FBH1: variants seen among roughly 807,000 people sequenced by gnomAD.
The protein encoded by FBH1 is DNA 3'-5' helicase 1.
A neutral mutation model predicts 115.5 loss-of-function variants in FBH1; 43 were observed. The ratio of observed to expected loss-of-function variants is 0.37; its 90% CI spans 0.29 to 0.48. The LOEUF (loss-of-function observed/expected upper bound fraction) is 0.48. FBH1 is among the 20% of genes least tolerant of loss of function. The probability of loss-of-function intolerance (pLI) is 0.99; values close to 1 mark genes in which losing one functional copy is unlikely to be tolerated. For synonymous variants in FBH1, 524 were observed against 507.8 expected, an observed-to-expected ratio of 1.03 and a Z score of -0.43; for missense variants, 1,001 against 1,337.3, an observed-to-expected ratio of 0.75 and a Z score of 3.92.
intron 19 of FBH1, among the ~76,000 whole-genome samples, chr10:5,930,408 C>T (rs1832900600): frequency 6.6e-6 from 1 of 152,230 alleles, no homozygotes; most frequent in Non-Finnish European, 1.5e-5. Context: ...ATTCGTCCTA[C>T]AGAGCGTCCC....
At position 5,925,802 on chromosome 10, in the gene FBH1, C is replaced by T. The variant is rs1781688349; in HGVS notation, c.2722+310C>T. Among the ~76,000 whole-genome samples the T allele has an allele frequency of 2.0e-5, 3 of 152,230 alleles. No homozygotes were observed. Among genetic ancestry groups the T allele is most frequent in the African/African-American group, 7.2e-5 (3 of 41,468 alleles). On this transcript the variant is annotated intron_variant, in intron 18 of 20. Transcript: ENST00000362091. The surrounding 1 kb of genome is among the most constrained non-coding windows in gnomAD (Gnocchi z 4.6). ...TCTTCGCCATCAGACTTTGAGTCTCCAGCCTCATGAAAGCTTTAAAATATA... is the reference window on the plus strand; with the variant it reads ...TCTTCGCCATCAGACTTTGAGTCTCTAGCCTCATGAAAGCTTTAAAATATA...
Position 5,918,491 on chromosome 10 carries a change from T to C in FBH1, c.2100+13T>C, listed in dbSNP as rs1832113479. 1 of 1,567,160 alleles carries C rather than the reference T, an allele frequency of 6.4e-7. No homozygotes were observed. The highest frequency in any genetic ancestry group is 1.2e-5 in the South Asian group (1 of 84,150). ...CTATCTCACGCAGGTAAGTGCGCAC[T>C]CTGCATGGGAGGCATTGCATCTCTC... On this transcript the variant is annotated intron_variant, in intron 13 of 20. Coordinates refer to ENST00000362091, the MANE Select transcript of FBH1 (RefSeq NM_178150.3). This position sits in a 1 kb window ranked among gnomAD's most constrained non-coding sequence, Gnocchi z 4.0.
intron 18 of FBH1, 42 bp from the exon 19 acceptor site, chr10:5,927,393 T>A: frequency 6.8e-7 from 1 of 1,467,970 alleles, no homozygotes; most frequent in Non-Finnish European, 9.4e-7. Context: ...TAAGCTTTTC[T>A]AAGGCTTTTT....
rs1329648358 is a variant in FBH1 at position 5,924,216 on chromosome 10, T to C, written c.2399-95T>C. The C allele has an allele frequency of 1.4e-5, 17 of 1,252,032 alleles. No individual in the cohort carries two copies. Among genetic ancestry groups the C allele is most frequent in the Admixed American group, 1.9e-5 (1 of 51,458 alleles). 77.6% of individuals were successfully genotyped at this position (1,252,032 alleles called of 1,614,324 possible). A position where few individuals can be genotyped will look rare whatever the true frequency, so the allele number is the denominator to read the frequency against. ...CCCGGGTCTCCCCACTTTAAGACCA[T>C]CTGCTCTTGCGCAGCTGCTTAGGAA... On this transcript the variant is annotated intron_variant, in intron 16 of 20. Coordinates refer to ENST00000362091, the MANE Select transcript of FBH1 (RefSeq NM_178150.3). The surrounding 1 kb of genome is among the most constrained non-coding windows in gnomAD (Gnocchi z 6.2).
chr10:5,903,152 C>T lies in FBH1; in HGVS notation c.134C>T (p.Pro45Leu), dbSNP rs776902652. 3.0e-5 allele frequency: 49 copies of T among 1,610,934 alleles called. 1 individual carries two copies. The highest frequency in any genetic ancestry group is 5.5e-5 in the South Asian group (5 of 90,408). The change falls in exon 2 of 21, where the codon CCG (proline) becomes CTG (leucine). Residue 45 changes from proline to leucine, a missense_variant. Physicochemically the swap from Pro to Leu is moderately conservative, Grantham distance 98 (BLOSUM62 -3). Coordinates refer to ENST00000362091, the MANE Select transcript of FBH1 (RefSeq NM_178150.3). ...RDPNHGLYPK[P>L]RTKRGSRGQG... ...CCGAACCATGGTCTCTATCCTAAAC[C>T]GAGAACAAAAAGAGGGAGTAGGGGT...
chr10:5,913,077 G>C lies in FBH1; in HGVS notation c.1212-670G>C, dbSNP rs926043457. ...CACCCCCGGTCTCCCCCACAGTCCA[G>C]GGGAGACTTGGAGAGGCTTTGGAAC... On this transcript the variant is annotated intron_variant, in intron 6 of 20. Coordinates refer to ENST00000362091, the MANE Select transcript of FBH1 (RefSeq NM_178150.3). This position sits in a 1 kb window ranked among gnomAD's most constrained non-coding sequence, Gnocchi z 4.4. Among the ~76,000 whole-genome samples, 1 of 152,138 alleles carries C rather than the reference G, an allele frequency of 6.6e-6. No individual in the cohort carries two copies. Among genetic ancestry groups the C allele is most frequent in the African/African-American group, 2.4e-5 (1 of 41,418 alleles).
rs137979875 is a variant in FBH1 at position 5,902,893 on chromosome 10, C to T, written c.2-127C>T. On this transcript the variant is annotated intron_variant, in intron 1 of 20. Transcript: ENST00000362091. ...GTTGGGGGGCAAGGGGAGGGGGGAACGGTTGGCTGGGGTGTTGACAAAATC... is the reference window on the plus strand; with the variant it reads ...GTTGGGGGGCAAGGGGAGGGGGGAATGGTTGGCTGGGGTGTTGACAAAATC... The T allele has an allele frequency of 8.0e-3, 6,317 of 789,554 alleles. 54 individuals carry two copies. The highest frequency in any genetic ancestry group is 0.028 in the East Asian group (905 of 32,330). The allele number at this position is 789,554 out of a possible 1,614,324, so 48.9% of individuals were successfully genotyped here. A position where few individuals can be genotyped will look rare whatever the true frequency, so the allele number is the denominator to read the frequency against.
At position 5,910,031 on chromosome 10, in the gene FBH1, C is replaced by G. The variant is rs368790540; in HGVS notation, c.1020+737C>G. 4.6e-5 allele frequency among the ~76,000 whole-genome samples: 7 copies of G among 152,276 alleles called. No individual in the cohort carries two copies. In the South Asian group the frequency reaches 1.5e-3, roughly 32 times the overall value. ...GCGTGGTGGCTCACGCCTGTTATCC[C>G]AGCACTTTGTGAGGCCAAGGCGGGT... On this transcript the variant is annotated intron_variant, in intron 5 of 20. Transcript: ENST00000362091. The surrounding 1 kb of genome is among the most constrained non-coding windows in gnomAD (Gnocchi z 4.8).
chr10:5,896,387 G>A (rs1342595142), intron 1 of FBH1, among the ~76,000 whole-genome samples: 1 of 152,170 alleles, frequency 6.6e-6, no homozygotes, highest in African/African-American at 2.4e-5. Flanking sequence ...AAAAGCTGAG[G>A]GTTAGCAAAG....
chr10:5,934,006 A>G (rs1833145329), intron 19 of FBH1, among the ~76,000 whole-genome samples: 1 of 152,158 alleles, frequency 6.6e-6, no homozygotes, highest in Admixed American at 6.5e-5. Flanking sequence ...ATCCTGTTTC[A>G]GAAGTGTCGA....
In FBH1 at chr10:5,894,092, A is replaced by G; in HGVS notation, c.1+3746A>G. The G allele has an allele frequency of 4.1e-6, 4 of 985,392 alleles. No homozygotes were observed. In the South Asian group the frequency reaches 1.9e-4, roughly 46 times the overall value. The allele number at this position is 985,392 out of a possible 1,614,324, so 61.0% of individuals were successfully genotyped here. Reference sequence around the variant, plus strand: ...AGAGGATCCCGGGGAGATTGAGCTTACTGCCTGGGAACTTTTGGATTTCTG... The same window carrying G: ...AGAGGATCCCGGGGAGATTGAGCTTGCTGCCTGGGAACTTTTGGATTTCTG... On this transcript the variant is annotated intron_variant, in intron 1 of 20. Transcript: ENST00000362091.
intron 1 of FBH1, among the ~76,000 whole-genome samples, chr10:5,893,236 G>C (rs1842835320): frequency 6.6e-6 from 1 of 152,150 alleles, no homozygotes; most frequent in African/African-American, 2.4e-5. Flanking sequence ...AACCTGGGAG[G>C]CGGAGGTTGC....
rs1832129953 is a variant in FBH1, at chr10:5,918,680, A to G, written c.2100+202A>G. ...TGTGTGCACAGCGGTCGTCTGAGGA[A>G]GAGCTGCTGCGGCTGAACTGTGAAC... On this transcript the variant is annotated intron_variant, in intron 13 of 20. Transcript: ENST00000362091. The surrounding 1 kb of genome is among the most constrained non-coding windows in gnomAD (Gnocchi z 4.0). Among the ~76,000 whole-genome samples, 1 of 152,216 alleles carries G rather than the reference A, an allele frequency of 6.6e-6. No homozygotes were observed.
Position 5,915,639 on chromosome 10 carries a change from C to T in FBH1, c.1565+68C>T, listed in dbSNP as rs61834496. ...GTCGCGTCTTACTGTTTTCCCGTGA[C>T]GATCACATGTGAGCTTACACCACAG... On this transcript the variant is annotated intron_variant, in intron 9 of 20. Coordinates refer to ENST00000362091, the MANE Select transcript of FBH1 (RefSeq NM_178150.3). This position sits in a 1 kb window ranked among gnomAD's most constrained non-coding sequence, Gnocchi z 5.2. The T allele has an allele frequency of 0.088, 129,341 of 1,465,442 alleles. 6,220 individuals are homozygous for T. The highest frequency in any genetic ancestry group is 0.12 in the Middle Eastern group (564 of 4,734). 90.8% of individuals were successfully genotyped at this position (1,465,442 alleles called of 1,614,324 possible). A position where few individuals can be genotyped will look rare whatever the true frequency, so the allele number is the denominator to read the frequency against.
intron 1 of FBH1, among the ~76,000 whole-genome samples, chr10:5,902,202 G>A (rs1356611153): frequency 2.0e-5 from 3 of 152,058 alleles, no homozygotes; most frequent in Non-Finnish European, 4.4e-5. Flanking sequence ...AAGGGGCTCG[G>A]GGGGCTGAGA....
chr10:5,901,167 G>A (rs1202539205), intron 1 of FBH1, among the ~76,000 whole-genome samples: 1 of 152,118 alleles, frequency 6.6e-6, no homozygotes, highest in Non-Finnish European at 1.5e-5. Context: ...GTTTAGTGGT[G>A]GAGTATTCTT....
rs1831770688 is a variant in FBH1 at position 5,913,990 on chromosome 10, G to A, written c.1304+151G>A. ...TCACCCATCCTAAGAGTGTGATTCA[G>A]TGACATTGCCTGAGCTGTGCATCAG... On this transcript the variant is annotated intron_variant, in intron 7 of 20. Coordinates refer to ENST00000362091, the MANE Select transcript of FBH1 (RefSeq NM_178150.3). This position sits in a 1 kb window ranked among gnomAD's most constrained non-coding sequence, Gnocchi z 4.4. 4 of 814,098 alleles carry A rather than the reference G, an allele frequency of 4.9e-6. No individual in the cohort carries two copies. The highest frequency in any genetic ancestry group is 4.7e-5 in the South Asian group (3 of 63,548). The allele number at this position is 814,098 out of a possible 1,614,324, so 50.4% of individuals were successfully genotyped here.
rs181913076 is a variant in FBH1, at chr10:5,909,973, G to A, written c.1020+679G>A. On this transcript the variant is annotated intron_variant, in intron 5 of 20. Transcript: ENST00000362091. This position sits in a 1 kb window ranked among gnomAD's most constrained non-coding sequence, Gnocchi z 4.4. ...CTTGGAATGCATTCTTTAACACAGAGACGTGTAGTAACTTAAGAATGGTAA... is the reference window on the plus strand; with the variant it reads ...CTTGGAATGCATTCTTTAACACAGAAACGTGTAGTAACTTAAGAATGGTAA... 4.6e-5 allele frequency among the ~76,000 whole-genome samples: 7 copies of A among 152,264 alleles called. No homozygotes were observed. Among genetic ancestry groups the A allele is most frequent in the Admixed American group, 2.6e-4 (4 of 15,286 alleles).
In FBH1 at chr10:5,909,492, A is replaced by G. The variant is rs1048588900; in HGVS notation, c.1020+198A>G. ...CATATAATTGTAGAGTCTTAGATGT[A>G]GATGAAATTTTAACAAATCATTTAG... On this transcript the variant is annotated intron_variant, in intron 5 of 20. Coordinates refer to ENST00000362091, the MANE Select transcript of FBH1 (RefSeq NM_178150.3). The surrounding 1 kb of genome is among the most constrained non-coding windows in gnomAD (Gnocchi z 4.4). 1 of 552,788 alleles carries G rather than the reference A, an allele frequency of 1.8e-6. No homozygotes were observed. The highest frequency in any genetic ancestry group is 3.7e-5 in the Admixed American group (1 of 27,222). The allele number at this position is 552,788 out of a possible 1,614,324, so 34.2% of individuals were successfully genotyped here.
Sources: gnomAD v4.1 joint callset for allele counts (sites outside exome capture counted in the v4.1 genomes callset) on GRCh38, gnomAD v4.1.1 for gene constraint, Gnocchi (gnomAD v3.1) non-coding constraint, MANE v1.5 for transcripts, NCBI Gene and HGNC (gene_info 2026-07-23, HGNC 2026-07-21) for gene names.